Variants in PCDHGA5 observed in about 807,000 individuals in gnomAD.
PCDHGA5 encodes protocadherin gamma-A5.
A neutral mutation model predicts 56.7 loss-of-function variants in PCDHGA5; 36 were observed. That is an observed-to-expected ratio of 0.64 (90% confidence interval 0.49 to 0.84). PCDHGA5 has a LOEUF of 0.84. PCDHGA5 is among the 40% of genes least tolerant of loss of function. PCDHGA5 has a pLI of 0.00. For missense variants in PCDHGA5, 1,305 were observed against 1,201.5 expected, an observed-to-expected ratio of 1.09 and a Z score of -1.27; for synonymous variants, 563 against 520.2, an observed-to-expected ratio of 1.08 and a Z score of -1.12.
chr5:141,484,788 TAAC>T (rs1245576501), intron 1 of PCDHGA5, among the ~76,000 whole-genome samples: 1 of 151,732 alleles, frequency 6.6e-6, no homozygotes, highest in Non-Finnish European at 1.5e-5. Flanking sequence ...CCCACAGAGA[TAAC>T]AACCCGTGGA....
At chr5:141,451,957 A>C (rs1019378263) in intron 1 of PCDHGA5, among the ~76,000 whole-genome samples, 3 of 152,202 alleles carry the variant, frequency 2.0e-5, no homozygotes, top group African/African-American at 7.2e-5. Context: ...AGAAAGTGAC[A>C]TACCATCATT....
At chr5:141,500,315 G>C (rs944076867) in intron 2 of PCDHGA5, among the ~76,000 whole-genome samples, 41 of 151,522 alleles carry the variant, frequency 2.7e-4, no homozygotes, top group African/African-American at 9.5e-4. Flanking sequence ...TTCACGCCAT[G>C]CTCCTGCCTC....
chr5:141,430,639 A>T, intron 1 of PCDHGA5: 1 of 900,712 alleles, frequency 1.1e-6, no homozygotes. Flanking sequence ...CATCCCTGGG[A>T]GTATGTGGAA....
chr5:141,418,363 C>G (rs147423305), intron 1 of PCDHGA5: 1 of 1,613,866 alleles, frequency 6.2e-7, no homozygotes, highest in Non-Finnish European at 8.5e-7. Context: ...ATTCGCTGAG[C>G]AAATACCAAC....
chr5:141,421,246 C>T (rs1047768415), intron 1 of PCDHGA5: 16 of 1,603,622 alleles, frequency 1.0e-5, no homozygotes, highest in Admixed American at 1.7e-5. Flanking sequence ...TCGGCTACAG[C>T]GCGGGGACCG....
At chr5:141,482,234 A>G (rs11748256) in intron 1 of PCDHGA5, among the ~76,000 whole-genome samples, 44,758 of 152,044 alleles carry the variant, frequency 0.29, 7,110 homozygotes, top group African/African-American at 0.42. Context: ...GAAATTGCCA[A>G]TATAAGTATA....
intron 1 of PCDHGA5, chr5:141,375,937 A>G (rs777064247): frequency 1.5e-5 from 24 of 1,613,516 alleles, no homozygotes; most frequent in African/African-American, 6.7e-5. Flanking sequence ...GACTTTTCTC[A>G]GTGGGCCTGC....
At chr5:141,488,273 C>A (rs1411817846) in intron 1 of PCDHGA5, among the ~76,000 whole-genome samples, 6 of 152,256 alleles carry the variant, frequency 3.9e-5, no homozygotes, top group East Asian at 1.9e-4. Flanking sequence ...TTGGTCATCA[C>A]CTTTGGAAAA....
At chr5:141,414,773 A>G in intron 1 of PCDHGA5, 1 of 1,614,204 alleles carries the variant, frequency 6.2e-7, no homozygotes, top group Non-Finnish European at 8.5e-7. Flanking sequence ...CATGAGCTAC[A>G]GATGCAGGTG....
At chr5:141,417,784 G>T in intron 1 of PCDHGA5, 2 of 1,474,908 alleles carry the variant, frequency 1.4e-6, no homozygotes, top group Non-Finnish European at 9.0e-7. Context: ...GTCCTGGGCC[G>T]AATGCTCTTT....
intron 1 of PCDHGA5, chr5:141,384,037 G>T (rs759701397): frequency 6.2e-7 from 1 of 1,613,004 alleles, no homozygotes; most frequent in Admixed American, 1.7e-5. Context: ...TGGAAAGAAT[G>T]GTGAGGTGAC....
In PCDHGA5 at chr5:141,402,929, A is replaced by G. The variant is rs751760276; in HGVS notation, c.2421+36178A>G. 12 of 1,583,076 alleles carry G rather than the reference A, an allele frequency of 7.6e-6. No individual in the cohort carries two copies. In the South Asian group the frequency reaches 1.3e-4, roughly 17 times the overall value. On this transcript the variant is annotated intron_variant, in intron 1 of 3. Coordinates refer to ENST00000518069, the MANE Select transcript of PCDHGA5 (RefSeq NM_018918.3). ...AGCAGCGCGCACAGAGATCCTTTTG[A>G]GAAAATTCCAAAGCGAGGCAGCAAT...
Position 141,489,147 on chromosome 5 carries a change from A to G in PCDHGA5, c.2422-5660A>G. On this transcript the variant is annotated intron_variant, in intron 1 of 3. Coordinates refer to ENST00000518069, the MANE Select transcript of PCDHGA5 (RefSeq NM_018918.3). The surrounding 1 kb of genome is among the most constrained non-coding windows in gnomAD (Gnocchi z 4.5). ...GCAGTTTTTAAGAGGCTGGAAGGAG[A>G]CATAAGAGACTTCAGCTGCTGCATT... The G allele has an allele frequency of 1.2e-6, 1 of 802,676 alleles. No homozygotes were observed. Among genetic ancestry groups the G allele is most frequent in the Non-Finnish European group, 1.9e-6 (1 of 528,868 alleles). 49.7% of individuals were successfully genotyped at this position (802,676 alleles called of 1,614,324 possible). A position where few individuals can be genotyped will look rare whatever the true frequency, so the allele number is the denominator to read the frequency against.
rs1460703461 is a variant in PCDHGA5 at position 141,490,596 on chromosome 5, C to G, written c.2422-4211C>G. 2.5e-6 allele frequency: 4 copies of G among 1,614,052 alleles called. No homozygotes were observed. The African/African-American group carries it at 4.0e-5, about 16-fold the overall frequency. On this transcript the variant is annotated intron_variant, in intron 1 of 3. Transcript: ENST00000518069. The surrounding 1 kb of genome is among the most constrained non-coding windows in gnomAD (Gnocchi z 5.4). Reference sequence around the variant, plus strand: ...TTTCAGATGTCAATGACAATGCACCCCGCTTCAACCAGCAGCTTTACACTG... The same window carrying G: ...TTTCAGATGTCAATGACAATGCACCGCGCTTCAACCAGCAGCTTTACACTG...
intron 1 of PCDHGA5, chr5:141,419,742 T>C (rs1388509503): frequency 2.5e-5 from 41 of 1,613,742 alleles, no homozygotes; most frequent in Non-Finnish European, 3.5e-5. Context: ...GAGGTGCGCA[T>C]GGTGCGTGCT....
intron 1 of PCDHGA5, among the ~76,000 whole-genome samples, chr5:141,381,379 A>G (rs1777152339): frequency 6.6e-6 from 1 of 152,224 alleles, no homozygotes; most frequent in Non-Finnish European, 1.5e-5. Flanking sequence ...GGATCCATCA[A>G]TAATTTAGTT....
At chr5:141,407,453 C>T (rs914537742) in intron 1 of PCDHGA5, among the ~76,000 whole-genome samples, 4 of 148,722 alleles carry the variant, frequency 2.7e-5, no homozygotes, top group Non-Finnish European at 6.0e-5. Flanking sequence ...ACACGAGGCT[C>T]ACCAGACAGA....
In PCDHGA5 at chr5:141,489,950, A is replaced by G; in HGVS notation, c.2422-4857A>G. 2 of 1,614,192 alleles carry G rather than the reference A, an allele frequency of 1.2e-6. No individual in the cohort carries two copies. The highest frequency in any genetic ancestry group is 1.1e-5 in the South Asian group (1 of 91,088). ...TCTGTCATCGTGCTGGACATCAATG[A>G]TAATGCTCCAACCTTCCAATCCTCA... On this transcript the variant is annotated intron_variant, in intron 1 of 3. Transcript: ENST00000518069. The surrounding 1 kb of genome is among the most constrained non-coding windows in gnomAD (Gnocchi z 4.5).
chr5:141,372,703 T>C (rs1379730424), intron 1 of PCDHGA5: 1 of 1,614,012 alleles, frequency 6.2e-7, no homozygotes, highest in Non-Finnish European at 8.5e-7. Context: ...TTTCTCAATA[T>C]AAAGGCTGAA....
Sources: allele counts gnomAD v4.1 joint callset (sites outside exome capture counted in the v4.1 genomes callset), GRCh38; gene constraint gnomAD v4.1.1; non-coding constraint Gnocchi (gnomAD v3.1); transcripts MANE v1.5; gene names NCBI Gene and HGNC (gene_info 2026-07-23, HGNC 2026-07-21).